GNE: variants seen among roughly 807,000 people sequenced by gnomAD.
GNE encodes the protein glucosamine (UDP-N-acetyl)-2-epimerase/N-acetylmannosamine kinase.
In GNE, 41 loss-of-function variants were observed where a neutral mutation model predicts 61.8. The ratio of observed to expected loss-of-function variants is 0.66; its 90% CI spans 0.52 to 0.86. GNE has a LOEUF of 0.86. GNE is among the 40% of genes least tolerant of loss of function. The pLI is 0.00. For missense variants in GNE, 608 were observed against 909.1 expected (o/e 0.67, Z 4.26); for synonymous variants, 264 against 326.4 (o/e 0.81, Z 2.06).
upstream of GNE, chr9:36,258,585 C>A (rs1830496579): frequency 3.3e-6 from 3 of 903,482 alleles, no homozygotes; most frequent in Non-Finnish European, 4.0e-6. Flanking sequence ...CCCCCACCTT[C>A]CCGGCGGTAT....
At chr9:36,237,826 C>T (rs1829459293) in intron 3 of GNE, among the ~76,000 whole-genome samples, 2 of 151,580 alleles carry the variant, frequency 1.3e-5, no homozygotes, top group South Asian at 4.2e-4. Context: ...TACTCTTCCC[C>T]CCAAGTCCCC....
At chr9:36,232,273 C>T (rs2133061324) in intron 5 of GNE, among the ~76,000 whole-genome samples, 1 of 152,260 alleles carries the variant, frequency 6.6e-6, no homozygotes, top group South Asian at 2.1e-4. Flanking sequence ...CCACTATCAT[C>T]TCTCATCTGA....
upstream of GNE, chr9:36,263,284 C>T (rs930632386): frequency 9.8e-6 from 2 of 204,274 alleles, no homozygotes; most frequent in Admixed American, 9.4e-5. Context: ...AATTCTCCTG[C>T]CTCAGCCTCC....
intron 9 of GNE, 34 bp downstream of exon 9, chr9:36,222,743 A>C (rs1428880495): frequency 1.5e-6 from 2 of 1,361,082 alleles, no homozygotes; most frequent in Non-Finnish European, 2.1e-6. Flanking sequence ...TATACATTCT[A>C]GCTCCTGAAC....
At chr9:36,274,115 T>TGTGTGTGAGA (rs1273335048) in intron 1 of GNE, among the ~76,000 whole-genome samples, 7 of 144,566 alleles carry the variant, frequency 4.8e-5, no homozygotes, top group African/African-American at 1.8e-4. Context: ...TGTGTGTGTG[T>TGTGTGTGAGA]GACAGGGTCT....
At chr9:36,274,113 T>C (rs1008194017) in intron 1 of GNE, among the ~76,000 whole-genome samples, 28 of 133,502 alleles carry the variant, frequency 2.1e-4, no homozygotes, top group Non-Finnish European at 3.2e-5. Context: ...TGTGTGTGTG[T>C]GTGACAGGGT....
chr9:36,256,855 C>T lies in GNE; in HGVS notation c.-43+1466G>A, dbSNP rs138632160. Among the ~76,000 whole-genome samples the T allele has an allele frequency of 4.8e-4, 73 of 152,254 alleles. No individual in the cohort carries two copies. The East Asian group carries it at 0.011, about 23-fold the overall frequency. On this transcript the variant is annotated intron_variant, in intron 1 of 11. Coordinates refer to ENST00000642385, the MANE Select transcript of GNE (RefSeq NM_005476.7). ...ATCCTCACAGCCCTCGTATTAGCCG[C>T]GTTTTACAGACAGGAAGCACAGAGA...
Position 36,217,467 on chromosome 9 carries a change from G to T in GNE, c.2067C>A (p.Ser689=). Residue 689 remains serine, a synonymous_variant, in exon 12 of 12, where the codon TCC becomes TCA. Coordinates refer to ENST00000642385, the MANE Select transcript of GNE (RefSeq NM_005476.7). ...VKDVIRQQAL[S]SVQDVDVVVS... is the part of the protein sequence containing the mutation. The stretch of plus-strand genomic sequence containing the variant: ...CCACCACATCCACGTCCTGCACGGA[G>T]GACAAGGCCTGCTGGCGAATGACGT... The T allele has an allele frequency of 6.2e-7, 1 of 1,614,166 alleles. No homozygotes were observed. The highest frequency in any genetic ancestry group is 1.1e-5 in the South Asian group (1 of 91,082).
At chr9:36,248,702 A>T (rs1830000845) in intron 2 of GNE, among the ~76,000 whole-genome samples, 1 of 152,220 alleles carries the variant, frequency 6.6e-6, no homozygotes, top group African/African-American at 2.4e-5. Flanking sequence ...GGTGACAGTA[A>T]TGTAACTCTC....
chr9:36,238,123 TACACACACAC>T (rs201513947), intron 3 of GNE, among the ~76,000 whole-genome samples: 1 of 128,986 alleles, frequency 7.8e-6, no homozygotes, highest in South Asian at 2.4e-4. Flanking sequence ...TATATATAGA[TACACACACAC>T]ACACACACAC....
At chr9:36,242,652 T>A (rs1829686874) in intron 3 of GNE, among the ~76,000 whole-genome samples, 1 of 151,604 alleles carries the variant, frequency 6.6e-6, no homozygotes, top group Non-Finnish European at 1.5e-5. Flanking sequence ...TCTCTTGACC[T>A]CATGATCTGC....
At chr9:36,244,138 A>AT (rs931790850) in intron 3 of GNE, among the ~76,000 whole-genome samples, 10 of 151,598 alleles carry the variant, frequency 6.6e-5, no homozygotes, top group African/African-American at 2.2e-4. Context: ...TAATTTTCTT[A>AT]TTTTTTGTAG....
Position 36,218,374 on chromosome 9 carries a change from A to G in GNE, c.1817-75T>C, listed in dbSNP as rs930628448. 7 of 1,021,794 alleles carry G rather than the reference A, an allele frequency of 6.9e-6. No homozygotes were observed. The highest frequency in any genetic ancestry group is 1.1e-5 in the Non-Finnish European group (7 of 642,878). The allele number at this position is 1,021,794 out of a possible 1,614,324, so 63.3% of individuals were successfully genotyped here. On this transcript the variant is annotated intron_variant, in intron 10 of 11. Transcript: ENST00000642385. The surrounding 1 kb of genome is among the most constrained non-coding windows in gnomAD (Gnocchi z 4.1). ...CAAGCTCACCACTGGGCCTGTGGAA[A>G]GCAAGCCCCTACATGGGAAGACGGT...
chr9:36,232,152 C>G (rs561617581), intron 5 of GNE, among the ~76,000 whole-genome samples: 3 of 152,268 alleles, frequency 2.0e-5, no homozygotes, highest in South Asian at 2.1e-4. Flanking sequence ...ACTGCCCAAT[C>G]AGAAATCTAG....
rs192582207 is a variant in GNE at position 36,245,219 on chromosome 9, G to A, written c.616+812C>T. On this transcript the variant is annotated intron_variant, in intron 3 of 11. Coordinates refer to ENST00000642385, the MANE Select transcript of GNE (RefSeq NM_005476.7). The stretch of plus-strand genomic sequence containing the variant: ...GTGGAGGTTGCAGTGAGCCGAGATT[G>A]TGCCACTGCACTCCAACCTGGATGA... Among the ~76,000 whole-genome samples, 126 of 151,716 alleles carry A rather than the reference G, an allele frequency of 8.3e-4. 1 individual carries two copies. The highest frequency in any genetic ancestry group is 7.5e-3 in the Admixed American group (114 of 15,208).
At chr9:36,264,709 T>C (rs964743537) in intron 1 of GNE, among the ~76,000 whole-genome samples, 1 of 152,134 alleles carries the variant, frequency 6.6e-6, no homozygotes, top group Admixed American at 6.6e-5. Flanking sequence ...CCTTTAAACA[T>C]GGGGCTTGCA....
chr9:36,223,664 C>CTG (rs1183423330), intron 7 of GNE, among the ~76,000 whole-genome samples, 162 bp from the exon 8 acceptor site: 3 of 152,142 alleles, frequency 2.0e-5, no homozygotes, highest in African/African-American at 4.8e-5. Flanking sequence ...TGGGCCAGCC[C>CTG]TGGGGTAAGC....
upstream of GNE, among the ~76,000 whole-genome samples, chr9:36,261,160 T>C (rs1343790108): frequency 6.6e-6 from 1 of 152,102 alleles, no homozygotes; most frequent in Non-Finnish European, 1.5e-5. Flanking sequence ...TTACATTGGG[T>C]CCACTCAATA....
intron 9 of GNE, 67 bp from the exon 10 acceptor site, chr9:36,220,087 C>T (rs1395477048): frequency 2.3e-6 from 3 of 1,281,094 alleles, no homozygotes; most frequent in East Asian, 2.3e-5. Context: ...TATCACAACG[C>T]CTCATCTATT....
Sources: gnomAD v4.1 joint callset for allele counts (sites outside exome capture counted in the v4.1 genomes callset) on GRCh38, gnomAD v4.1.1 for gene constraint, Gnocchi (gnomAD v3.1) non-coding constraint, MANE v1.5 for transcripts, NCBI Gene and HGNC (gene_info 2026-07-23, HGNC 2026-07-21) for gene names.